The following PPFIA2 variants were observed in gnomAD, a reference collection of about 807,000 sequenced individuals.
The protein encoded by PPFIA2 is liprin-alpha-2.
Under a neutral mutation model 175.5 loss-of-function variants are expected in PPFIA2, and 46 were observed. The observed-to-expected ratio is 0.26, with a 90% CI of 0.21 to 0.34. The LOEUF is 0.34. Among genes scored for constraint, PPFIA2 ranks in the 10% least tolerant of loss-of-function variants. PPFIA2 has a pLI of 1.00. For synonymous variants in PPFIA2, 568 were observed against 511.4 expected, an observed-to-expected ratio of 1.11 and a Z score of -1.49; for missense variants, 1,179 against 1,506.1, an observed-to-expected ratio of 0.78 and a Z score of 3.60.
chr12:81,498,147 T>C (rs1376893848), intron 4 of PPFIA2, among the ~76,000 whole-genome samples: 1 of 152,214 alleles, frequency 6.6e-6, no homozygotes, highest in African/African-American at 2.4e-5. Context: ...ATTTTAGATG[T>C]ATAAAAGAGT....
At chr12:81,531,165 G>A (rs1411353459) in intron 4 of PPFIA2, among the ~76,000 whole-genome samples, 1 of 151,804 alleles carries the variant, frequency 6.6e-6, no homozygotes, top group Non-Finnish European at 1.5e-5. Context: ...TATTCCCAGC[G>A]AATAGAAGCC....
intron 4 of PPFIA2, among the ~76,000 whole-genome samples, chr12:81,581,501 A>G (rs1466144442): frequency 1.3e-5 from 2 of 151,676 alleles, no homozygotes; most frequent in Non-Finnish European, 2.9e-5. Flanking sequence ...TCCCCATATC[A>G]TTTAAACTGC....
At position 81,701,724 on chromosome 12, in the gene PPFIA2, A is replaced by G. The variant is rs2076496591; in HGVS notation, c.250-24880T>C. ...AAATAAATATCAATCAGTGCCTAAT[A>G]TTCTACTATTCTTTCTGTCAGTATG... On this transcript the variant is annotated intron_variant, in intron 3 of 32. Coordinates refer to ENST00000549396, the MANE Select transcript of PPFIA2 (RefSeq NM_003625.5). Among the ~76,000 whole-genome samples the G allele has an allele frequency of 2.0e-5, 3 of 152,226 alleles. No individual in the cohort carries two copies. In the South Asian group the frequency reaches 6.2e-4, roughly 32 times the overall value.
At chr12:81,528,211 A>C (rs921234427) in intron 4 of PPFIA2, among the ~76,000 whole-genome samples, 1 of 152,098 alleles carries the variant, frequency 6.6e-6, no homozygotes. Flanking sequence ...AGTCACCAAC[A>C]ATAGACAGAG....
rs752660936 is a variant in PPFIA2, at chr12:81,347,551, C to T, written c.2214G>A (p.Arg738=). 15 of 1,609,154 alleles carry T rather than the reference C, an allele frequency of 9.3e-6. No homozygotes were observed. The South Asian group carries it at 1.6e-4, about 18-fold the overall frequency. Residue 738 remains arginine (R), a synonymous_variant, in exon 18 of 33, where the codon CGG becomes CGA. Transcript: ENST00000549396. ...TPRSPAREMD[R]MGVMTLPSDL... ...ACCATACCAGTGTCATGACTCCCATCCGATCCATTTCCCTGGCAGGGCTTC... is the reference window on the plus strand; with the variant it reads ...ACCATACCAGTGTCATGACTCCCATTCGATCCATTTCCCTGGCAGGGCTTC...
At chr12:81,740,480 T>C (rs1359516485) in intron 3 of PPFIA2, among the ~76,000 whole-genome samples, 2 of 152,166 alleles carry the variant, frequency 1.3e-5, no homozygotes, top group Non-Finnish European at 2.9e-5. Context: ...AGTGTGATAG[T>C]CATGTTTTAA....
intron 4 of PPFIA2, among the ~76,000 whole-genome samples, chr12:81,550,144 C>T (rs1351232869): frequency 6.6e-6 from 1 of 151,798 alleles, no homozygotes; most frequent in Admixed American, 6.6e-5. Flanking sequence ...AATCTCTGCC[C>T]TTTCGAAACT....
intron 4 of PPFIA2, among the ~76,000 whole-genome samples, chr12:81,590,541 T>C (rs1263579347): frequency 6.6e-6 from 1 of 152,102 alleles, no homozygotes. Flanking sequence ...TTTGGCTGTG[T>C]CCCCACCCAA....
chr12:81,375,722 A>G (rs2036215025), intron 10 of PPFIA2, 74 bp downstream of exon 10: 2 of 1,438,312 alleles, frequency 1.4e-6, no homozygotes, highest in African/African-American at 1.4e-5. Flanking sequence ...GAAGTACCCT[A>G]TTTTATTTAC....
At chr12:81,615,142 T>G (rs2061323081) in intron 4 of PPFIA2, among the ~76,000 whole-genome samples, 1 of 152,122 alleles carries the variant, frequency 6.6e-6, no homozygotes. Context: ...AGGGAGCAAA[T>G]GGATTGGGAA....
At chr12:81,278,208 AATT>A (rs567659597) in intron 27 of PPFIA2, among the ~76,000 whole-genome samples, 9 of 152,290 alleles carry the variant, frequency 5.9e-5, no homozygotes, top group Middle Eastern at 3.4e-3. Flanking sequence ...ATTGATACAG[AATT>A]ATTGGACAAT....
rs183158747 is a variant in PPFIA2, at chr12:81,412,026, A to T, written c.646-6123T>A. ...GAAAACAAATATTGAGATTTATAACAATATTTCAGGGAGTTCTTTCAATGA... is the reference window on the plus strand; with the variant it reads ...GAAAACAAATATTGAGATTTATAACTATATTTCAGGGAGTTCTTTCAATGA... On this transcript the variant is annotated intron_variant, in intron 7 of 32. Coordinates refer to ENST00000549396, the MANE Select transcript of PPFIA2 (RefSeq NM_003625.5). Among the ~76,000 whole-genome samples the T allele has an allele frequency of 5.9e-5, 9 of 152,108 alleles. No individual in the cohort carries two copies. In the East Asian group the frequency reaches 1.7e-3, roughly 29 times the overall value.
rs1328410225 is a variant in PPFIA2 at position 81,497,528 on chromosome 12, G to GTA, written c.304-39663_304-39662insTA. The stretch of plus-strand genomic sequence containing the variant: ...TAAGTGACATCCCTATTTCATTGAT[G>GTA]TCTTTTTTTTTTTTTTTTTTTTTTT... On this transcript the variant is annotated intron_variant, in intron 4 of 32. Transcript: ENST00000549396. Among the ~76,000 whole-genome samples, 4 of 110,278 alleles carry GTA rather than the reference G, an allele frequency of 3.6e-5. No individual in the cohort carries two copies. In the East Asian group the frequency reaches 1.2e-3, roughly 33 times the overall value. 72.3% of individuals were successfully genotyped at this position (110,278 alleles called of 152,430 possible).
intron 4 of PPFIA2, among the ~76,000 whole-genome samples, chr12:81,604,736 C>T (rs538843520): frequency 1.3e-5 from 2 of 151,784 alleles, no homozygotes; most frequent in African/African-American, 4.8e-5. Context: ...AGACAGACCA[C>T]TACCAAAAAT....
chr12:81,475,832 C>T (rs1175496633), intron 4 of PPFIA2, among the ~76,000 whole-genome samples: 1 of 152,166 alleles, frequency 6.6e-6, no homozygotes, highest in Non-Finnish European at 1.5e-5. Context: ...CCTTCTCAGC[C>T]TCCAGAGTAG....
intron 23 of PPFIA2, among the ~76,000 whole-genome samples, chr12:81,298,657 C>T (rs562158149): frequency 5.2e-4 from 79 of 152,284 alleles, no homozygotes; most frequent in African/African-American, 1.9e-3. Context: ...TATGTAGTTC[C>T]GTCAATGTCA....
intron 22 of PPFIA2, chr12:81,312,296 T>G: frequency 1.1e-6 from 1 of 901,262 alleles, no homozygotes; most frequent in Non-Finnish European, 1.7e-6. Context: ...AGCTCAGGTA[T>G]GAGAAAGACA....
intron 4 of PPFIA2, among the ~76,000 whole-genome samples, chr12:81,628,667 C>A (rs1451264189): frequency 3.3e-5 from 5 of 152,196 alleles, no homozygotes; most frequent in African/African-American, 9.6e-5. Context: ...GTGTGAGACA[C>A]CACGTCCAGT....
At chr12:81,524,938 A>C (rs2063570571) in intron 4 of PPFIA2, among the ~76,000 whole-genome samples, 1 of 152,164 alleles carries the variant, frequency 6.6e-6, no homozygotes, top group Admixed American at 6.5e-5. Context: ...CTCACCAATT[A>C]AAGCTGCCAT....
Sources: allele counts gnomAD v4.1 joint callset (sites outside exome capture counted in the v4.1 genomes callset), GRCh38; gene constraint gnomAD v4.1.1; transcripts MANE v1.5; gene names NCBI Gene and HGNC (gene_info 2026-07-23, HGNC 2026-07-21).